LARP4B: variants seen among roughly 807,000 people sequenced by gnomAD.
The protein encoded by LARP4B is la-related protein 4B.
Under a neutral mutation model 89.8 loss-of-function variants are expected in LARP4B, and 12 were observed. The ratio of observed to expected loss-of-function variants is 0.13; its 90% CI spans 0.09 to 0.22. LARP4B has a LOEUF of 0.22. LARP4B is among the 10% of genes least tolerant of loss of function. The pLI, the probability that LARP4B is intolerant of heterozygous loss-of-function variation, is 1.00. For synonymous variants in LARP4B, 367 were observed against 363.3 expected (o/e 1.01, Z -0.12); for missense variants, 757 against 947.7 (o/e 0.80, Z 2.64).
Position 815,034 on chromosome 10 carries a change from C to A in LARP4B, c.1732G>T (p.Val578Leu). 1 of 1,604,716 alleles carries A rather than the reference C, an allele frequency of 6.2e-7. No individual in the cohort carries two copies. Among genetic ancestry groups the A allele is most frequent in the Non-Finnish European group, 8.5e-7 (1 of 1,174,226 alleles). Residue 578 changes from valine to leucine, a missense_variant, in exon 16 of 18, where the codon GTA becomes TTA. Val to Leu is a conservative substitution (Grantham distance 32). This residue lies in a region of LARP4B where 387 missense variants were observed against 423.6 expected (regional missense o/e 0.91). Coordinates refer to ENST00000316157, the MANE Select transcript of LARP4B (RefSeq NM_015155.3). Reference sequence around the variant, plus strand: ...ACCGAGGGCTCTCTGGAGACCACTACAGGAAGGGTGTTCACGCTTGCGTCT... The same window carrying A: ...ACCGAGGGCTCTCTGGAGACCACTAAAGGAAGGGTGTTCACGCTTGCGTCT... ...SADASVNTLP[V>L]VVSREPSVPA...
the LARP4B span, among the ~76,000 whole-genome samples, chr10:978,938 C>G: frequency 4.6e-5 from 7 of 152,110 alleles, no homozygotes; most frequent in East Asian, 7.7e-4. Context: ...TCCCACCCCC[C>G]CTCCTTAATA....
At chr10:925,103 C>T (rs1837100956) in intron 1 of LARP4B, among the ~76,000 whole-genome samples, 1 of 152,190 alleles carries the variant, frequency 6.6e-6, no homozygotes, top group Admixed American at 6.5e-5. Flanking sequence ...GGGCAGGATA[C>T]ACCATAATAT....
the LARP4B span, among the ~76,000 whole-genome samples, chr10:947,529 G>A: frequency 1.3e-5 from 2 of 152,244 alleles, no homozygotes; most frequent in South Asian, 4.2e-4. Context: ...GGAGGCTGAG[G>A]AGTCTCCGAT....
At chr10:829,776 T>C (rs1832803529) in intron 9 of LARP4B, 42 bp from the exon 10 acceptor site, 2 of 1,433,050 alleles carry the variant, frequency 1.4e-6, no homozygotes, top group Non-Finnish European at 9.8e-7. Flanking sequence ...CGATTAACCT[T>C]ATGAATAAGA....
chr10:963,035 T>G, the LARP4B span, among the ~76,000 whole-genome samples: 1 of 152,182 alleles, frequency 6.6e-6, no homozygotes, highest in Non-Finnish European at 1.5e-5. Flanking sequence ...CACTCTAAGC[T>G]TGCACTAAAC....
chr10:902,046 C>T (rs1564438296), intron 1 of LARP4B, among the ~76,000 whole-genome samples: 1 of 152,202 alleles, frequency 6.6e-6, no homozygotes, highest in Non-Finnish European at 1.5e-5. Context: ...TCCCCTCCAC[C>T]GTTAAAGCCT....
the LARP4B span, among the ~76,000 whole-genome samples, chr10:964,316 C>T: frequency 3.3e-5 from 5 of 152,234 alleles, no homozygotes; most frequent in Non-Finnish European, 4.4e-5. Context: ...CTGCCCGCCT[C>T]GGCCTCCCAG....
chr10:883,193 G>A (rs12254002), intron 3 of LARP4B, among the ~76,000 whole-genome samples: 24,306 of 152,200 alleles, frequency 0.16, 2,095 homozygotes, highest in Non-Finnish European at 0.19. Flanking sequence ...AGACTACCAA[G>A]CGTCTTATAT....
intron 11 of LARP4B, among the ~76,000 whole-genome samples, chr10:828,727 AC>A (rs1448228149): frequency 7.2e-5 from 11 of 152,200 alleles, no homozygotes; most frequent in African/African-American, 2.7e-4. Flanking sequence ...TAGGCCATGA[AC>A]CCATCTTCAC....
At chr10:958,415 T>C in the LARP4B span, among the ~76,000 whole-genome samples, 1 of 152,204 alleles carries the variant, frequency 6.6e-6, no homozygotes, top group South Asian at 2.1e-4. Flanking sequence ...GATGTTCTTC[T>C]CCTTTCTTCA....
downstream of LARP4B, chr10:808,377 C>G (rs1370367315): frequency 6.6e-6 from 1 of 152,184 alleles, no homozygotes; most frequent in African/African-American, 2.4e-5. Flanking sequence ...GGCTGGTGAT[C>G]CAGATGGCAT....
intron 3 of LARP4B, among the ~76,000 whole-genome samples, chr10:872,365 C>T (rs990180769): frequency 3.9e-5 from 6 of 152,280 alleles, no homozygotes; most frequent in African/African-American, 1.2e-4. Context: ...ACATGGCACG[C>T]GAGGCTGAAG....
intron 5 of LARP4B, among the ~76,000 whole-genome samples, chr10:847,160 A>G (rs1051109988): frequency 5.9e-5 from 9 of 152,152 alleles, no homozygotes; most frequent in Non-Finnish European, 1.2e-4. Flanking sequence ...CAGACAGCTG[A>G]AGTGTTCTAC....
chr10:827,275 C>CAAAAAAAAGAAAAAA (rs58903055), intron 11 of LARP4B, among the ~76,000 whole-genome samples: 3 of 151,090 alleles, frequency 2.0e-5, no homozygotes, highest in Non-Finnish European at 4.4e-5. Context: ...GACTCTGTCT[C>CAAAAAAAAGAAAAAA]AAAGAAAAAG....
chr10:909,566 C>A (rs56318703), intron 1 of LARP4B, among the ~76,000 whole-genome samples: 1 of 151,860 alleles, frequency 6.6e-6, no homozygotes, highest in Admixed American at 6.6e-5. Flanking sequence ...AGGTGGATCA[C>A]CTGAGGGCAC....
At chr10:932,023 C>T (rs1211728312), upstream of LARP4B, among the ~76,000 whole-genome samples, 1 of 149,676 alleles carries the variant, frequency 6.7e-6, no homozygotes, top group Admixed American at 6.6e-5. Flanking sequence ...ACCGGAGCGC[C>T]TGACGCTGGG....
At chr10:849,017 A>G (rs1564403881) in intron 5 of LARP4B, among the ~76,000 whole-genome samples, 1 of 152,224 alleles carries the variant, frequency 6.6e-6, no homozygotes, top group Non-Finnish European at 1.5e-5. Flanking sequence ...GCCACGAGAG[A>G]AACGGCGGCA....
In LARP4B at chr10:829,601, G is replaced by A; in HGVS notation, c.916-7C>T. ...CCTTTGCTTTTATCCGTGCCTGTTT[G>A]AAAATATGTAAGTTTCTATTAGAAT... On this transcript the variant is annotated splice_polypyrimidine_tract_variant and splice_region_variant and intron_variant, in intron 10 of 17. Transcript: ENST00000316157. 1 of 1,613,386 alleles carries A rather than the reference G, an allele frequency of 6.2e-7. No homozygotes were observed. The highest frequency in any genetic ancestry group is 1.1e-5 in the South Asian group (1 of 91,052).
intron 7 of LARP4B, among the ~76,000 whole-genome samples, chr10:836,714 G>A (rs1317156933): frequency 6.6e-6 from 1 of 152,188 alleles, no homozygotes; most frequent in Non-Finnish European, 1.5e-5. Context: ...GTAACACTAT[G>A]AAACAAAGGT....
Sources: gnomAD v4.1 joint callset for allele counts (sites outside exome capture counted in the v4.1 genomes callset) on GRCh38, gnomAD v4.1.1 for gene constraint, gnomAD v4.1.1 regional missense constraint, MANE v1.5 for transcripts, NCBI Gene and HGNC (gene_info 2026-07-23, HGNC 2026-07-21) for gene names.